The following CACNG2 variants were observed in gnomAD, a reference collection of about 807,000 sequenced individuals.
The protein encoded by CACNG2 is calcium voltage-gated channel auxiliary subunit gamma 2.
CACNG2 carries 3 observed loss-of-function variants against 25.9 expected under a neutral mutation model. The ratio of observed to expected loss-of-function variants is 0.12; its 90% confidence interval spans 0.05 to 0.30. The LOEUF is 0.30. CACNG2 is among the 10% of genes least tolerant of loss of function. The pLI, the probability that CACNG2 is intolerant of heterozygous loss-of-function variation, is 1.00. For missense variants in CACNG2, 341 were observed against 432.5 expected (o/e 0.79, Z 1.88); for synonymous variants, 167 against 173.3 (o/e 0.96, Z 0.29).
At chr22:36,664,344 C>T (rs553187172) in intron 1 of CACNG2, among the ~76,000 whole-genome samples, 3 of 152,268 alleles carry the variant, frequency 2.0e-5, no homozygotes, top group Non-Finnish European at 2.9e-5. Context: ...ATCGCCTACT[C>T]GATGAGACGC....
At chr22:36,624,299 G>A (rs1003909497) in intron 1 of CACNG2, among the ~76,000 whole-genome samples, 2 of 152,198 alleles carry the variant, frequency 1.3e-5, no homozygotes, top group Non-Finnish European at 2.9e-5. Flanking sequence ...GAGAGCAATG[G>A]CAGTCCTTCG....
At chr22:36,566,277 G>T (rs1935122589) in intron 3 of CACNG2, 76 bp downstream of exon 3, 5 of 1,420,388 alleles carry the variant, frequency 3.5e-6, no homozygotes, top group Non-Finnish European at 5.0e-6. Context: ...ATCTCTCTCT[G>T]CCAGGCCCTC....
In CACNG2 at chr22:36,642,397, C is replaced by T. The variant is rs572967121; in HGVS notation, c.212-54849G>A. On this transcript the variant is annotated intron_variant, in intron 1 of 3. Transcript: ENST00000300105. ...ATTGCCTAGTAATCTGTCACAAATA[C>T]CTAGCAGTGCTGAAGCCTTTGGCTG... Among the ~76,000 whole-genome samples, 24 of 152,304 alleles carry T rather than the reference C, an allele frequency of 1.6e-4. No homozygotes were observed. In the South Asian group the frequency reaches 2.9e-3, roughly 18 times the overall value.
Position 36,570,961 on chromosome 22 carries a change from G to A in CACNG2, c.296-4468C>T, listed in dbSNP as rs79667105. On this transcript the variant is annotated intron_variant, in intron 2 of 3. Coordinates refer to ENST00000300105, the MANE Select transcript of CACNG2 (RefSeq NM_006078.5). ...TCACAAACGGAATGGGGATTTTGGA[G>A]TTAGTCACACTTGACTTTGAATCCT... 1.2e-4 allele frequency among the ~76,000 whole-genome samples: 18 copies of A among 152,214 alleles called. No individual in the cohort carries two copies. In the East Asian group the frequency reaches 2.5e-3, roughly 21 times the overall value.
Position 36,631,352 on chromosome 22 carries a change from CCCTT to C in CACNG2, c.212-43808_212-43805del, listed in dbSNP as rs1161664879. ...TGTCACTTCCCTGGGGTGCATGTGA[CCCTT>C]CCTCCCTTCTCACAGGACACTGATC... is the stretch of plus-strand genomic sequence containing the variant. On this transcript the variant is annotated intron_variant, in intron 1 of 3. Coordinates refer to ENST00000300105, the MANE Select transcript of CACNG2 (RefSeq NM_006078.5). Among the ~76,000 whole-genome samples, 3 of 152,130 alleles carry C rather than the reference CCCTT, an allele frequency of 2.0e-5. No homozygotes were observed. In the East Asian group the frequency reaches 5.8e-4, roughly 29 times the overall value.
At chr22:36,690,917 C>G (rs1405389972) in intron 1 of CACNG2, among the ~76,000 whole-genome samples, 1 of 152,218 alleles carries the variant, frequency 6.6e-6, no homozygotes, top group Admixed American at 6.5e-5. Flanking sequence ...ATAATCATTG[C>G]TTTGTGATGG....
At position 36,561,037 on chromosome 22, in the gene CACNG2, C is replaced by A. The variant is rs891719383; in HGVS notation, c.*3314G>T. The A allele has an allele frequency of 8.6e-5, 13 of 151,952 alleles. No homozygotes were observed. The highest frequency in any genetic ancestry group is 3.1e-4 in the African/African-American group (13 of 41,412). 9.4% of individuals were successfully genotyped at this position (151,952 alleles called of 1,614,324 possible). On this transcript the variant is annotated 3_prime_UTR_variant, in exon 4 of 4. Transcript: ENST00000300105. ...GTCTGAGCTGGACATGAGCAATCAT[C>A]CACACCCCTGGGCAGCAACGCCCTT...
chr22:36,624,825 C>G (rs992158317), intron 1 of CACNG2, among the ~76,000 whole-genome samples: 2 of 151,766 alleles, frequency 1.3e-5, no homozygotes, highest in African/African-American at 2.4e-5. Flanking sequence ...GTCAGGAGAT[C>G]GAGACCATCC....
At chr22:36,697,179 C>T (rs1937351964) in intron 1 of CACNG2, among the ~76,000 whole-genome samples, 1 of 152,194 alleles carries the variant, frequency 6.6e-6, no homozygotes, top group Non-Finnish European at 1.5e-5. Context: ...GACTCAGCTA[C>T]TCAGCTCACA....
chr22:36,628,033 A>G (rs554314179), intron 1 of CACNG2, among the ~76,000 whole-genome samples: 2 of 152,336 alleles, frequency 1.3e-5, no homozygotes, highest in African/African-American at 4.8e-5. Flanking sequence ...ATGTACATTC[A>G]CAGAAAAAAG....
chr22:36,585,220 TC>T (rs1935480922), intron 2 of CACNG2: 1 of 152,156 alleles, frequency 6.6e-6, no homozygotes, highest in Non-Finnish European at 1.5e-5. Flanking sequence ...CTCTTGGGGA[TC>T]CCGAGTGTGA....
At chr22:36,584,114 C>T (rs964293222) in intron 2 of CACNG2, among the ~76,000 whole-genome samples, 3 of 152,170 alleles carry the variant, frequency 2.0e-5, no homozygotes, top group Admixed American at 2.0e-4. Context: ...GGCCCCTCCC[C>T]CATCACTCTC....
intron 1 of CACNG2, among the ~76,000 whole-genome samples, chr22:36,678,709 C>A (rs972263538): frequency 6.6e-5 from 10 of 151,728 alleles, no homozygotes; most frequent in Admixed American, 1.3e-4. Context: ...CCTCCATTTC[C>A]CCACGATGGC....
intron 1 of CACNG2, among the ~76,000 whole-genome samples, chr22:36,589,453 G>T (rs78208555): frequency 6.6e-6 from 1 of 152,136 alleles, no homozygotes; most frequent in Non-Finnish European, 1.5e-5. Flanking sequence ...GGATACTTAC[G>T]TACTACGTAG....
intron 1 of CACNG2, among the ~76,000 whole-genome samples, chr22:36,657,459 G>A (rs1165817697): frequency 1.3e-5 from 2 of 152,164 alleles, no homozygotes; most frequent in African/African-American, 4.8e-5. Context: ...GCCTGGACTC[G>A]GGAGGGCTCT....
intron 1 of CACNG2, among the ~76,000 whole-genome samples, chr22:36,603,696 A>T (rs1359123431): frequency 6.6e-6 from 1 of 152,240 alleles, no homozygotes; most frequent in Non-Finnish European, 1.5e-5. Flanking sequence ...TATAAATGAG[A>T]CAAAAAAGCC....
intron 2 of CACNG2, among the ~76,000 whole-genome samples, chr22:36,572,736 G>T (rs1460618198): frequency 2.6e-5 from 4 of 152,036 alleles, no homozygotes; most frequent in African/African-American, 9.7e-5. Context: ...AAATCAGGTG[G>T]TGGGCTGGAT....
At chr22:36,648,540 G>A (rs571566033) in intron 1 of CACNG2, among the ~76,000 whole-genome samples, 3 of 152,240 alleles carry the variant, frequency 2.0e-5, no homozygotes, top group Middle Eastern at 6.8e-3. Flanking sequence ...TCTACACTGG[G>A]AACATGTGAG....
At chr22:36,592,971 CCAG>C in intron 1 of CACNG2, among the ~76,000 whole-genome samples, 1 of 152,272 alleles carries the variant, frequency 6.6e-6, no homozygotes, top group East Asian at 1.9e-4. Context: ...CCAGTCAGGA[CCAG>C]TAGGGAGACT....
Sources: gnomAD v4.1 joint callset for allele counts (sites outside exome capture counted in the v4.1 genomes callset) on GRCh38, gnomAD v4.1.1 for gene constraint, MANE v1.5 for transcripts, NCBI Gene and HGNC (gene_info 2026-07-23, HGNC 2026-07-21) for gene names.